SLC5A12: variants seen among roughly 807,000 people sequenced by gnomAD.
The protein encoded by SLC5A12 is sodium-coupled monocarboxylate transporter 2.
Under a neutral mutation model 72.7 loss-of-function variants are expected in SLC5A12, and 46 were observed. The ratio of observed to expected loss-of-function variants is 0.63; its 90% CI spans 0.50 to 0.81. The LOEUF (loss-of-function observed/expected upper bound fraction) is 0.81, where lower values mean the gene tolerates loss of function less well. Among genes scored for constraint, SLC5A12 ranks in the 30% least tolerant of loss-of-function variants. SLC5A12 has a pLI of 0.00. For synonymous variants in SLC5A12, 275 were observed against 264.4 expected (o/e 1.04, Z -0.39); for missense variants, 683 against 740.7 (o/e 0.92, Z 0.90).
chr11:26,685,619 C>CA (rs150186795), intron 10 of SLC5A12, among the ~76,000 whole-genome samples: 55,638 of 145,698 alleles, frequency 0.38, 11,973 homozygotes, highest in Middle Eastern at 0.53. Flanking sequence ...AAAAAACAAA[C>CA]AAACAAAAAA....
chr11:26,703,495 A>C, intron 6 of SLC5A12, 36 bp downstream of exon 6: 1 of 1,606,340 alleles, frequency 6.2e-7, no homozygotes, highest in Non-Finnish European at 8.5e-7. Context: ...ATAAGGTAAG[A>C]TAAAACATTA....
chr11:26,676,354 GAAAACAAAAAAAA>G (rs944864292), intron 13 of SLC5A12, among the ~76,000 whole-genome samples: 1 of 107,294 alleles, frequency 9.3e-6, no homozygotes, highest in Admixed American at 1.1e-4. Context: ...TCTGTTTCTA[GAAAACAAAAAAAA>G]AAAAAAAAAA....
Position 26,668,705 on chromosome 11 carries a change from G to T in SLC5A12, c.*2397C>A, listed in dbSNP as rs1854056291. 6.6e-6 allele frequency: 1 copy of T among 151,982 alleles called. No homozygotes were observed. The highest frequency in any genetic ancestry group is 2.1e-4 in the South Asian group (1 of 4,832). The allele number at this position is 151,982 out of a possible 1,614,324, so 9.4% of individuals were successfully genotyped here. Reference sequence around the variant, plus strand: ...TTATGCATGTTTGTTCAATTAAGAAGAATGGGGGGAGTCTCTACATTGACC... The same window carrying T: ...TTATGCATGTTTGTTCAATTAAGAATAATGGGGGGAGTCTCTACATTGACC... On this transcript the variant is annotated 3_prime_UTR_variant, in exon 15 of 15. Coordinates refer to ENST00000396005, the MANE Select transcript of SLC5A12 (RefSeq NM_178498.4).
At chr11:26,696,196 C>T (rs778437509) in intron 8 of SLC5A12, among the ~76,000 whole-genome samples, 1 of 152,162 alleles carries the variant, frequency 6.6e-6, no homozygotes, top group African/African-American at 2.4e-5. Context: ...TATTAGAAAG[C>T]AAACTCTATA....
rs139493662 is a variant in SLC5A12, at chr11:26,668,885, G to A, written c.*2217C>T. 11 of 152,030 alleles carry A rather than the reference G, an allele frequency of 7.2e-5. No individual in the cohort carries two copies. Among genetic ancestry groups the A allele is most frequent in the Non-Finnish European group, 1.3e-4 (9 of 67,944 alleles). The allele number at this position is 152,030 out of a possible 1,614,324, so 9.4% of individuals were successfully genotyped here. The stretch of plus-strand genomic sequence containing the variant: ...AATTAGGGACTATAAAAGAAGAAAC[G>A]TTTTTAAAACTTTCTCGGAAATGTA... On this transcript the variant is annotated 3_prime_UTR_variant, in exon 15 of 15. Transcript: ENST00000396005.
Position 26,698,450 on chromosome 11 carries a change from C to CTAAA in SLC5A12, c.906_907insTTTA (p.Asp303PhefsTer4), listed in dbSNP as rs776568585. On this transcript the variant is annotated frameshift_variant, in exon 7 of 15. Coordinates refer to ENST00000396005, the MANE Select transcript of SLC5A12 (RefSeq NM_178498.4). LOFTEE classifies it high-confidence loss of function. The stretch of plus-strand genomic sequence containing the variant: ...ATGCCAGAAGTCCAAGGGTCACAGT[C>CTAAA]TTTAAAGTGAGAGTACATGATTAAG... The CTAAA allele has an allele frequency of 1.1e-5, 17 of 1,613,880 alleles. No individual in the cohort carries two copies. Among genetic ancestry groups the CTAAA allele is most frequent in the Admixed American group, 1.0e-4 (6 of 60,000 alleles).
At chr11:26,680,317 G>A (rs9943564) in intron 12 of SLC5A12, among the ~76,000 whole-genome samples, 6 of 121,596 alleles carry the variant, frequency 4.9e-5, no homozygotes, top group African/African-American at 2.1e-4. Flanking sequence ...ATATATATAT[G>A]TATATATATT....
chr11:26,722,902 A>G (rs758082026), upstream of SLC5A12, among the ~76,000 whole-genome samples: 2 of 150,472 alleles, frequency 1.3e-5, no homozygotes, highest in Non-Finnish European at 3.0e-5. Context: ...TACTCTGTGA[A>G]GCTTTTCTGC....
At position 26,678,806 on chromosome 11, in the gene SLC5A12, T is replaced by G; in HGVS notation, c.1485A>C (p.Ile495=). The G allele has an allele frequency of 6.2e-7, 1 of 1,611,600 alleles. No individual in the cohort carries two copies. The highest frequency in any genetic ancestry group is 1.1e-5 in the South Asian group (1 of 90,998). ...AGGAGATCGAGTACCAGGTATCAGCTATTCCAGGTCTGTGGAGAACAGCAC... is the reference window on the plus strand; with the variant it reads ...AGGAGATCGAGTACCAGGTATCAGCGATTCCAGGTCTGTGGAGAACAGCAC... ...GPPVLSSRPG[I]ADTWYSISYL... is the part of the protein sequence containing the mutation. The change falls in exon 13 of 15, where the codon ATA becomes ATC. Residue 495 remains isoleucine (I), a synonymous_variant. Coordinates refer to ENST00000396005, the MANE Select transcript of SLC5A12 (RefSeq NM_178498.4).
intron 9 of SLC5A12, 109 bp from the exon 10 acceptor site, chr11:26,686,653 G>C: frequency 2.2e-6 from 2 of 903,240 alleles, no homozygotes; most frequent in South Asian, 3.0e-5. Flanking sequence ...TTTGCAAAGG[G>C]ATCTCAGCGA....
At chr11:26,704,822 C>G (rs946436797) in intron 4 of SLC5A12, among the ~76,000 whole-genome samples, 3 of 152,030 alleles carry the variant, frequency 2.0e-5, no homozygotes, top group African/African-American at 4.8e-5. Flanking sequence ...TAGAAACACT[C>G]TTTGCAAAAT....
At chr11:26,700,314 A>G (rs1854926664) in intron 6 of SLC5A12, among the ~76,000 whole-genome samples, 1 of 152,140 alleles carries the variant, frequency 6.6e-6, no homozygotes, top group South Asian at 2.1e-4. Flanking sequence ...TTTAAAATGG[A>G]CTTGGGTTCT....
At chr11:26,675,531 A>T (rs1483626689) in intron 13 of SLC5A12, among the ~76,000 whole-genome samples, 1 of 152,188 alleles carries the variant, frequency 6.6e-6, no homozygotes, top group Non-Finnish European at 1.5e-5. Flanking sequence ...AGGACTGTAG[A>T]CATACTAGGT....
chr11:26,696,969 T>G (rs541738607), intron 8 of SLC5A12, among the ~76,000 whole-genome samples, 195 bp downstream of exon 8: 3 of 152,346 alleles, frequency 2.0e-5, no homozygotes, highest in Non-Finnish European at 1.5e-5. Flanking sequence ...AAATCTCAGT[T>G]TCCTTATCTG....
intron 1 of SLC5A12, among the ~76,000 whole-genome samples, chr11:26,716,794 C>A (rs565625739): frequency 9.9e-5 from 15 of 152,278 alleles, no homozygotes; most frequent in African/African-American, 3.6e-4. Flanking sequence ...CTATTACTAT[C>A]ATCTCTTGCT....
In SLC5A12 at chr11:26,671,068, GCA is replaced by G. The variant is rs1186718430; in HGVS notation, c.*32_*33del. 5.9e-6 allele frequency: 9 copies of G among 1,512,644 alleles called. No homozygotes were observed. The highest frequency in any genetic ancestry group is 2.4e-5 in the East Asian group (1 of 41,316). The allele number at this position is 1,512,644 out of a possible 1,614,324, so 93.7% of individuals were successfully genotyped here. On this transcript the variant is annotated 3_prime_UTR_variant, in exon 15 of 15. Transcript: ENST00000396005. ...GAGTTTGTGTGTGTGTGTGTGTATT[GCA>G]CGTGTGTGTGTGCATTCATACAGGT... is the stretch of plus-strand genomic sequence containing the variant.
Position 26,674,507 on chromosome 11 carries a change from C to T in SLC5A12, c.1580-978G>A, listed in dbSNP as rs548261307. ...CTCCGTCTCCCGGGTTCAAGTGATT[C>T]TCCTGCCTCAGCCTCTGGAGTAGCT... On this transcript the variant is annotated intron_variant, in intron 13 of 14. Coordinates refer to ENST00000396005, the MANE Select transcript of SLC5A12 (RefSeq NM_178498.4). Among the ~76,000 whole-genome samples, 5 of 152,202 alleles carry T rather than the reference C, an allele frequency of 3.3e-5. No individual in the cohort carries two copies. In the South Asian group the frequency reaches 1.0e-3, roughly 32 times the overall value.
intron 6 of SLC5A12, among the ~76,000 whole-genome samples, chr11:26,699,317 A>G (rs1273347527): frequency 1.3e-5 from 2 of 152,330 alleles, no homozygotes; most frequent in East Asian, 3.9e-4. Flanking sequence ...AACGCTGAAC[A>G]TTGTCTAAGA....
chr11:26,698,639 A>G (rs930772428), intron 6 of SLC5A12, 104 bp from the exon 7 acceptor site: 3 of 1,104,256 alleles, frequency 2.7e-6, no homozygotes, highest in South Asian at 2.3e-5. Context: ...TCTTTTTGCT[A>G]GTAAAATAAA....
Sources: allele counts gnomAD v4.1 joint callset (sites outside exome capture counted in the v4.1 genomes callset), GRCh38; gene constraint gnomAD v4.1.1; transcripts MANE v1.5; gene names NCBI Gene and HGNC (gene_info 2026-07-23, HGNC 2026-07-21).